Variants in NEURL1 observed in about 807,000 individuals in gnomAD.
NEURL1 encodes neuralized E3 ubiquitin protein ligase 1, also known as E3 ubiquitin-protein ligase NEURL1.
A neutral mutation model predicts 41.2 loss-of-function variants in NEURL1; 26 were observed. That is an observed-to-expected ratio of 0.63 (90% CI 0.46 to 0.87). NEURL1 has a LOEUF of 0.87. Ranked by LOEUF, NEURL1 falls within the 40% of genes least tolerant of loss-of-function variation. The pLI is 0.00. For synonymous variants in NEURL1, 400 were observed against 402.3 expected (o/e 0.99, Z 0.07); for missense variants, 761 against 871.1 (o/e 0.87, Z 1.59).
intron 4 of NEURL1, among the ~76,000 whole-genome samples, chr10:103,587,084 G>C (rs2035939788): frequency 6.6e-6 from 1 of 151,932 alleles, no homozygotes; most frequent in African/African-American, 2.4e-5. Context: ...GAAAGAGAAA[G>C]AGAAAAATCA....
Position 103,494,258 on chromosome 10 carries a change from C to A in NEURL1, c.-130C>A. ...AAGCTGAGGAGCTGCCCGCCCGCCC[C>A]CGGCTGCAGCCCCAGCAGGGCCCTC... On this transcript the variant is annotated 5_prime_UTR_variant, in exon 1 of 6. Coordinates refer to ENST00000369780, the MANE Select transcript of NEURL1 (RefSeq NM_004210.5). 3 of 662,080 alleles carry A rather than the reference C, an allele frequency of 4.5e-6. No individual in the cohort carries two copies. The South Asian group carries it at 6.6e-5, about 15-fold the overall frequency. The allele number at this position is 662,080 out of a possible 1,614,324, so 41.0% of individuals were successfully genotyped here.
At chr10:103,563,056 G>C (rs1202156404) in intron 1 of NEURL1, among the ~76,000 whole-genome samples, 1 of 152,158 alleles carries the variant, frequency 6.6e-6, no homozygotes, top group Non-Finnish European at 1.5e-5. Flanking sequence ...TTCAGTTAAT[G>C]CAGTTAAACG....
intron 1 of NEURL1, among the ~76,000 whole-genome samples, chr10:103,520,812 C>G (rs138491098): frequency 0.013 from 1,978 of 151,958 alleles, 35 homozygotes; most frequent in African/African-American, 0.044. Context: ...ATTAAGCTGA[C>G]GGAAGATTCT....
intron 1 of NEURL1, among the ~76,000 whole-genome samples, chr10:103,530,952 G>T (rs1202395125): frequency 3.3e-5 from 5 of 152,150 alleles, no homozygotes; most frequent in African/African-American, 1.2e-4. Flanking sequence ...CCTGGGCGTG[G>T]TGGCTTATGC....
At position 103,558,061 on chromosome 10, in the gene NEURL1, G is replaced by A. The variant is rs1455648326; in HGVS notation, c.86-12811G>A. ...GCCCGGCTAATTTTTTGTATTTTTAGTAGAGACGGGGTTTCACCATGTTGG... is the reference window on the plus strand; with the variant it reads ...GCCCGGCTAATTTTTTGTATTTTTAATAGAGACGGGGTTTCACCATGTTGG... On this transcript the variant is annotated intron_variant, in intron 1 of 5. Transcript: ENST00000369780. This position sits in a 1 kb window ranked among gnomAD's most constrained non-coding sequence, Gnocchi z 4.2. 5.7e-6 allele frequency: 2 copies of A among 353,068 alleles called. No homozygotes were observed. The highest frequency in any genetic ancestry group is 4.0e-6 in the Non-Finnish European group (1 of 252,138). The allele number at this position is 353,068 out of a possible 1,614,324, so 21.9% of individuals were successfully genotyped here.
intron 1 of NEURL1, among the ~76,000 whole-genome samples, chr10:103,520,590 C>T (rs910926118): frequency 1.3e-5 from 2 of 152,154 alleles, no homozygotes; most frequent in African/African-American, 2.4e-5. Context: ...TGGATGTTTA[C>T]GTGCAGGTCA....
At chr10:103,535,750 T>C (rs1024785221) in intron 1 of NEURL1, among the ~76,000 whole-genome samples, 2 of 152,154 alleles carry the variant, frequency 1.3e-5, no homozygotes, top group Non-Finnish European at 2.9e-5. Context: ...GCTCTACCTC[T>C]GCTGGGCCCT....
chr10:103,571,903 C>T, intron 3 of NEURL1, 81 bp downstream of exon 3: 1 of 1,367,406 alleles, frequency 7.3e-7, no homozygotes, highest in Non-Finnish European at 9.9e-7. Flanking sequence ...CTGTTCAATC[C>T]CATCAGGCGT....
At chr10:103,589,470 T>C in intron 4 of NEURL1, 44 bp from the exon 5 acceptor site, 1 of 1,542,234 alleles carries the variant, frequency 6.5e-7, no homozygotes, top group Admixed American at 1.9e-5. Flanking sequence ...CAGTTTGGCC[T>C]GGGCAGGCAG....
intron 1 of NEURL1, among the ~76,000 whole-genome samples, chr10:103,562,122 C>T (rs755435687): frequency 3.9e-5 from 6 of 152,204 alleles, no homozygotes; most frequent in African/African-American, 9.6e-5. Flanking sequence ...CCATGGCTTA[C>T]GCCTGTAATC....
rs1256554690 is a variant in NEURL1 at position 103,584,792 on chromosome 10, C to G, written c.906C>G (p.Gly302=). The G allele has an allele frequency of 1.8e-5, 26 of 1,432,562 alleles. No homozygotes were observed. Among genetic ancestry groups the G allele is most frequent in the Non-Finnish European group, 2.4e-5 (26 of 1,098,446 alleles). 88.7% of individuals were successfully genotyped at this position (1,432,562 alleles called of 1,614,324 possible). A position where few individuals can be genotyped will look rare whatever the true frequency, so the allele number is the denominator to read the frequency against. Reference sequence around the variant, plus strand: ...TGCGTTTCCACGCCCTGCGCGCCGGCGCGCACGTCCGCATCCTCGACGAGC... The same window carrying G: ...TGCGTTTCCACGCCCTGCGCGCCGGGGCGCACGTCCGCATCCTCGACGAGC... ...GDLRFHALRA[G]AHVRILDEQT... The change falls in exon 4 of 6, where the codon GGC becomes GGG. Residue 302 remains glycine, a synonymous_variant. Coordinates refer to ENST00000369780, the MANE Select transcript of NEURL1 (RefSeq NM_004210.5).
chr10:103,513,490 C>T (rs1211271832), intron 1 of NEURL1, among the ~76,000 whole-genome samples: 2 of 152,272 alleles, frequency 1.3e-5, no homozygotes, highest in Non-Finnish European at 2.9e-5. Flanking sequence ...GCCACAGAGG[C>T]TAGCCCTGGG....
chr10:103,534,470 T>A, intron 1 of NEURL1, among the ~76,000 whole-genome samples: 1 of 151,758 alleles, frequency 6.6e-6, no homozygotes, highest in Admixed American at 6.6e-5. Context: ...GTGTGATGAC[T>A]CTGTTTCTGG....
Position 103,585,068 on chromosome 10 carries a change from C to T in NEURL1, c.1182C>T (p.His394=). The change falls in exon 4 of 6, where the codon CAC becomes CAT. Residue 394 remains histidine, a synonymous_variant. Transcript: ENST00000369780. ...WAVCRVPGPL[H]SGDILGLVVN... is the part of the protein sequence containing the mutation. ...TGTGCCGCGTGCCCGGGCCCCTGCA[C>T]AGCGGCGACATCCTGGGCCTGGTGG... is the stretch of plus-strand genomic sequence containing the variant. The T allele has an allele frequency of 6.3e-7, 1 of 1,590,806 alleles. No homozygotes were observed. Among genetic ancestry groups the T allele is most frequent in the Non-Finnish European group, 8.5e-7 (1 of 1,176,626 alleles).
At chr10:103,572,964 G>C (rs2035581440) in intron 3 of NEURL1, among the ~76,000 whole-genome samples, 1 of 151,922 alleles carries the variant, frequency 6.6e-6, no homozygotes, top group Admixed American at 6.6e-5. Context: ...TCCCTGCAGA[G>C]AAAGAGGCCA....
At chr10:103,526,807 C>T (rs1367603575) in intron 1 of NEURL1, among the ~76,000 whole-genome samples, 1 of 152,086 alleles carries the variant, frequency 6.6e-6, no homozygotes, top group East Asian at 1.9e-4. Context: ...ACCACGCTGG[C>T]TGGTTTTCTT....
intron 1 of NEURL1, among the ~76,000 whole-genome samples, chr10:103,567,282 C>A (rs1186963653): frequency 2.0e-5 from 3 of 152,034 alleles, no homozygotes; most frequent in Non-Finnish European, 2.9e-5. Flanking sequence ...CTGTGCCCAG[C>A]CTGAAGGAAC....
At chr10:103,540,496 G>A (rs2034797884) in intron 1 of NEURL1, among the ~76,000 whole-genome samples, 2 of 152,080 alleles carry the variant, frequency 1.3e-5, no homozygotes, top group South Asian at 4.1e-4. Context: ...CACCATGTCG[G>A]CCAGGCTGGT....
intron 1 of NEURL1, among the ~76,000 whole-genome samples, chr10:103,503,322 T>G (rs867461275): frequency 3.9e-5 from 6 of 152,166 alleles, no homozygotes; most frequent in Middle Eastern, 3.4e-3. Context: ...GTGTTGACAC[T>G]TGTAGGGGGT....
Sources: gnomAD v4.1 joint callset for allele counts (sites outside exome capture counted in the v4.1 genomes callset) on GRCh38, gnomAD v4.1.1 for gene constraint, Gnocchi (gnomAD v3.1) non-coding constraint, MANE v1.5 for transcripts, NCBI Gene and HGNC (gene_info 2026-07-23, HGNC 2026-07-21) for gene names.